Variants in MTUS1 observed in about 807,000 individuals in gnomAD.
The protein encoded by MTUS1 is microtubule associated scaffold protein 1.
Under a neutral mutation model 120.8 loss-of-function variants are expected in MTUS1, and 109 were observed. That is an observed-to-expected ratio of 0.90 (90% CI 0.77 to 1.06). MTUS1 has a LOEUF of 1.06. Ranked by LOEUF, MTUS1 falls within the 50% of genes least tolerant of loss-of-function variation. MTUS1 has a pLI of 0.00. For synonymous variants in MTUS1, 737 were observed against 550.5 expected (o/e 1.34, Z -4.74); for missense variants, 2,210 against 1,486.3 (o/e 1.49, Z -8.01).
At chr8:17,776,031 G>T (rs1586338144) in intron 1 of MTUS1, among the ~76,000 whole-genome samples, 1 of 152,058 alleles carries the variant, frequency 6.6e-6, no homozygotes, top group African/African-American at 2.4e-5. Flanking sequence ...TAATAACGAG[G>T]TCCTTCTGCA....
At chr8:17,773,181 C>G (rs1179293183) in intron 1 of MTUS1, among the ~76,000 whole-genome samples, 1 of 152,090 alleles carries the variant, frequency 6.6e-6, no homozygotes, top group Non-Finnish European at 1.5e-5. Context: ...GGAATCAGAG[C>G]CCCAAGGAAA....
chr8:17,760,265 GACTAAAAA>G (rs1386173337), intron 1 of MTUS1, among the ~76,000 whole-genome samples: 1 of 151,782 alleles, frequency 6.6e-6, no homozygotes, highest in Non-Finnish European at 1.5e-5. Context: ...TGAGCAAAGA[GACTAAAAA>G]ACCCACAAAC....
intron 9 of MTUS1, among the ~76,000 whole-genome samples, chr8:17,655,450 G>A (rs1394675806): frequency 6.6e-6 from 1 of 152,010 alleles, no homozygotes; most frequent in South Asian, 2.1e-4. Context: ...ACATTCCTTT[G>A]GTCATAAGAA....
intron 7 of MTUS1, chr8:17,676,295 G>A (rs1039520392): frequency 1.7e-5 from 12 of 702,942 alleles, no homozygotes; most frequent in Admixed American, 4.0e-5. Flanking sequence ...TGCACATGGA[G>A]AATAGAGGCA....
intron 9 of MTUS1, among the ~76,000 whole-genome samples, chr8:17,655,286 TA>T (rs35229905): frequency 0.03 from 4,116 of 136,990 alleles, 53 homozygotes; most frequent in Middle Eastern, 0.045. Context: ...CAGATGCCAC[TA>T]AAAAAAAAAA....
intron 6 of MTUS1, among the ~76,000 whole-genome samples, chr8:17,696,194 C>A (rs1458103772): frequency 6.6e-6 from 1 of 152,072 alleles, no homozygotes; most frequent in Non-Finnish European, 1.5e-5. Context: ...TCAGCTCAGA[C>A]TGAAAGGGAG....
chr8:17,709,749 C>G (rs1227817223), intron 6 of MTUS1, among the ~76,000 whole-genome samples: 1 of 152,062 alleles, frequency 6.6e-6, no homozygotes, highest in East Asian at 1.9e-4. Flanking sequence ...TGGCTCACAC[C>G]TGTAATCCCA....
chr8:17,755,295 G>A lies in MTUS1; in HGVS notation c.513C>T (p.Thr171=), dbSNP rs2048523566. The change falls in exon 2 of 15, where the codon ACC becomes ACT. Residue 171 remains threonine (T), a synonymous_variant. Coordinates refer to ENST00000693296, the MANE Select transcript of MTUS1 (RefSeq NM_001363059.2). Reference sequence around the variant, plus strand: ...TTCCGATGGCATGATGTGATATAAAGGTGCAGTTAACTTTATCCACTGTCA... The same window carrying A: ...TTCCGATGGCATGATGTGATATAAAAGTGCAGTTAACTTTATCCACTGTCA... The part of the protein sequence containing the change: ...FDMTVDKVNC[T]FISHHAIGKS... 1 of 1,614,160 alleles carries A rather than the reference G, an allele frequency of 6.2e-7. No individual in the cohort carries two copies. Among genetic ancestry groups the A allele is most frequent in the African/African-American group, 1.3e-5 (1 of 75,042 alleles).
At chr8:17,750,285 CACAA>C (rs1249635654) in intron 2 of MTUS1, among the ~76,000 whole-genome samples, 1 of 152,160 alleles carries the variant, frequency 6.6e-6, no homozygotes, top group Admixed American at 6.5e-5. Context: ...AGTGACTGTA[CACAA>C]ACTAACAAAG....
At position 17,655,977 on chromosome 8, in the gene MTUS1, A is replaced by G; in HGVS notation, c.2994T>C (p.Ala998=). The G allele has an allele frequency of 1.2e-6, 2 of 1,614,192 alleles. No homozygotes were observed. The highest frequency in any genetic ancestry group is 2.2e-5 in the South Asian group (2 of 91,088). ...GCCGATTCTCTCGTTCTGTTTTTTCAGCCTGGTGCTGCTGGACGAATGCTT... is the reference window on the plus strand; with the variant it reads ...GCCGATTCTCTCGTTCTGTTTTTTCGGCCTGGTGCTGCTGGACGAATGCTT... The part of the protein sequence containing the change: ...VYEAFVQQHQ[A]EKTERENRLK... The change falls in exon 9 of 15, where the codon GCT becomes GCC. Residue 998 remains alanine (A), a synonymous_variant. Transcript: ENST00000693296.
At chr8:17,765,581 T>C (rs1445854982) in intron 1 of MTUS1, among the ~76,000 whole-genome samples, 1 of 143,058 alleles carries the variant, frequency 7.0e-6, no homozygotes, top group South Asian at 2.2e-4. Flanking sequence ...ATTATGCCAC[T>C]GCACTCCAGC....
intron 1 of MTUS1, among the ~76,000 whole-genome samples, chr8:17,765,200 T>C (rs914557392): frequency 1.3e-5 from 2 of 152,182 alleles, no homozygotes; most frequent in Admixed American, 1.3e-4. Context: ...CAGGCACTAA[T>C]GCAAGCGATG....
intron 7 of MTUS1, among the ~76,000 whole-genome samples, chr8:17,680,715 G>C (rs181062994): frequency 6.6e-6 from 1 of 152,136 alleles, no homozygotes; most frequent in East Asian, 1.9e-4. Flanking sequence ...CCTGATAAAG[G>C]CCTCGGCTTG....
intron 6 of MTUS1, 44 bp from the exon 7 acceptor site, chr8:17,684,586 T>A: frequency 6.7e-7 from 1 of 1,487,772 alleles, no homozygotes; most frequent in Non-Finnish European, 9.3e-7. Context: ...GTGAGGTTAA[T>A]TTTTAAAATC....
At chr8:17,676,359 C>T (rs973544202) in intron 7 of MTUS1, 1 of 702,860 alleles carries the variant, frequency 1.4e-6, no homozygotes, top group African/African-American at 1.7e-5. Flanking sequence ...AGTCCCCCCA[C>T]CCCTCGCACT....
At chr8:17,751,998 G>C (rs1050525083) in intron 2 of MTUS1, among the ~76,000 whole-genome samples, 2 of 151,356 alleles carry the variant, frequency 1.3e-5, no homozygotes, top group African/African-American at 2.4e-5. Flanking sequence ...AATCCTAACA[G>C]CCAGATTCCT....
At chr8:17,722,216 A>C (rs2045899045) in intron 4 of MTUS1, 1 of 1,009,758 alleles carries the variant, frequency 9.9e-7, no homozygotes, top group African/African-American at 1.7e-5. Context: ...CATCAGACAC[A>C]GTACTGAAAC....
intron 2 of MTUS1, chr8:17,748,328 G>A (rs760388147): frequency 3.3e-5 from 5 of 152,226 alleles, no homozygotes; most frequent in Non-Finnish European, 4.4e-5. Context: ...CCTCTCTGCT[G>A]AGAGCCACTT....
intron 3 of MTUS1, among the ~76,000 whole-genome samples, chr8:17,742,615 C>A (rs192663697): frequency 6.6e-6 from 1 of 152,110 alleles, no homozygotes; most frequent in Non-Finnish European, 1.5e-5. Flanking sequence ...CCTCCACTCA[C>A]GCCTCTGTGG....
Sources: allele counts gnomAD v4.1 joint callset (sites outside exome capture counted in the v4.1 genomes callset), GRCh38; gene constraint gnomAD v4.1.1; transcripts MANE v1.5; gene names NCBI Gene and HGNC (gene_info 2026-07-23, HGNC 2026-07-21).